Variants in CACNA1H observed in about 807,000 individuals in gnomAD.
The protein encoded by CACNA1H is voltage-dependent T-type calcium channel subunit alpha-1H.
CACNA1H carries 149 observed loss-of-function variants against 192.5 expected under a neutral mutation model. The ratio of observed to expected loss-of-function variants is 0.77; its 90% confidence interval spans 0.68 to 0.89. CACNA1H has a LOEUF of 0.89. CACNA1H is among the 40% of genes least tolerant of loss of function. CACNA1H has a pLI of 0.00. For synonymous variants in CACNA1H, 2,202 were observed against 1,475.2 expected (o/e 1.49, Z -11.29); for missense variants, 4,257 against 3,423.5 (o/e 1.24, Z -6.08).
At chr16:1,197,857 G>A (rs554350024) in intron 5 of CACNA1H, among the ~76,000 whole-genome samples, 1 of 152,280 alleles carries the variant, frequency 6.6e-6, no homozygotes, top group Admixed American at 6.5e-5. Flanking sequence ...GGACGTCTTG[G>A]GGGAGCAGGC....
intron 5 of CACNA1H, among the ~76,000 whole-genome samples, chr16:1,197,318 G>A (rs796244943): frequency 3.9e-5 from 6 of 152,358 alleles, no homozygotes; most frequent in African/African-American, 1.4e-4. Flanking sequence ...TTGGCCCTTT[G>A]CCCGGCACCC....
intron 2 of CACNA1H, among the ~76,000 whole-genome samples, chr16:1,181,771 C>T (rs1965492653): frequency 6.6e-6 from 1 of 152,166 alleles, no homozygotes; most frequent in African/African-American, 2.4e-5. Flanking sequence ...CCGCCCTCAT[C>T]TCAGGCCTGA....
chr16:1,195,447 A>T lies in CACNA1H; in HGVS notation c.427A>T (p.Ile143Phe), dbSNP rs1408976197. ...CNILEAFDAF[I>F]FAFFAVEMVI... ...CCTCCCGCAGGCCTTTGACGCCTTC[A>T]TTTTCGCCTTTTTTGCGGTGGAGAT... The change falls in exon 4 of 35, where the codon ATT becomes TTT. Residue 143 changes from isoleucine (I) to phenylalanine (F), a missense_variant. By Grantham distance (21) the Ile-to-Phe change is conservative. Coordinates refer to ENST00000348261, the MANE Select transcript of CACNA1H (RefSeq NM_021098.3). 3 of 1,557,726 alleles carry T rather than the reference A, an allele frequency of 1.9e-6. No individual in the cohort carries two copies. Among genetic ancestry groups the T allele is most frequent in the Middle Eastern group, 1.7e-4 (1 of 5,928 alleles).
chr16:1,190,632 G>A lies in CACNA1H; in HGVS notation c.300-4340G>A, dbSNP rs561235541. On this transcript the variant is annotated intron_variant, in intron 2 of 34. Transcript: ENST00000348261. ...ACGCCTGCCTGTCACGTCCTCTGTC[G>A]TGAGAGGCCTCCTTGGGGCCCCCCA... Among the ~76,000 whole-genome samples the A allele has an allele frequency of 1.8e-4, 27 of 152,368 alleles. 1 individual carries two copies. In the South Asian group the frequency reaches 4.6e-3, roughly 26 times the overall value.
intron 2 of CACNA1H, among the ~76,000 whole-genome samples, chr16:1,189,352 G>A (rs1339661811): frequency 6.6e-6 from 1 of 150,990 alleles, no homozygotes; most frequent in African/African-American, 2.4e-5. Flanking sequence ...AGGAAGGGGA[G>A]GTGGCCAGGC....
chr16:1,169,070 A>T (rs914067496), intron 2 of CACNA1H, among the ~76,000 whole-genome samples: 2 of 147,674 alleles, frequency 1.4e-5, no homozygotes, highest in African/African-American at 5.0e-5. Flanking sequence ...GCAACAGGAG[A>T]TGGAGGGAGG....
intron 10 of CACNA1H, 150 bp downstream of exon 10, chr16:1,204,608 A>C: frequency 1.6e-6 from 1 of 625,868 alleles, no homozygotes; most frequent in Non-Finnish European, 2.7e-6. Context: ...AGGATAGGAG[A>C]CCAGGTGTGC....
Position 1,221,192 on chromosome 16 carries a change from C to G in CACNA1H, c.*198C>G. ...CTGCCGGGCCCCACGAGCCTCCGTC[C>G]GTTCTGGTTCGGGTTTCTCCGAGTT... On this transcript the variant is annotated 3_prime_UTR_variant, in exon 35 of 35. Transcript: ENST00000348261. The G allele has an allele frequency of 1.9e-6, 1 of 528,850 alleles. No homozygotes were observed. 32.8% of individuals were successfully genotyped at this position (528,850 alleles called of 1,614,324 possible). A position where few individuals can be genotyped will look rare whatever the true frequency, so the allele number is the denominator to read the frequency against.
rs1968862454 is a variant in CACNA1H, at chr16:1,207,388, C to T, written c.3021C>T (p.Phe1007=). 2.5e-6 allele frequency: 4 copies of T among 1,613,310 alleles called. No individual in the cohort carries two copies. Among genetic ancestry groups the T allele is most frequent in the Non-Finnish European group, 3.4e-6 (4 of 1,179,826 alleles). The stretch of plus-strand genomic sequence containing the variant: ...TGACCTTCGGCAACTATGTGCTCTT[C>T]AACCTGCTGGTGGCCATCCTCGTGG... ...ALMTFGNYVL[F]NLLVAILVEG... The change falls in exon 14 of 35, where the codon TTC becomes TTT. Residue 1007 remains phenylalanine (F), a synonymous_variant. Transcript: ENST00000348261.
intron 2 of CACNA1H, among the ~76,000 whole-genome samples, chr16:1,164,488 C>T (rs531415597): frequency 8.5e-5 from 13 of 152,302 alleles, no homozygotes; most frequent in Admixed American, 5.2e-4. Context: ...TGAGCCACCA[C>T]GCCGGGCCTC....
rs777181811 is a variant in CACNA1H at position 1,204,212 on chromosome 16, G to A, written c.2205G>A (p.Arg735=). The A allele has an allele frequency of 3.7e-6, 6 of 1,611,970 alleles. 1 individual carries two copies. In the South Asian group the frequency reaches 6.6e-5, roughly 18 times the overall value. Residue 735 remains arginine, a synonymous_variant, in exon 10 of 35, where the codon CGG becomes CGA. Coordinates refer to ENST00000348261, the MANE Select transcript of CACNA1H (RefSeq NM_021098.3). ...RGVYEFTQDV[R]HGDRWDPTRP... is the part of the protein sequence containing the mutation. ...TCTATGAATTCACGCAGGACGTCCG[G>A]CACGGTGACCGCTGGGACCCCACGC... is the stretch of plus-strand genomic sequence containing the variant.
chr16:1,210,554 C>A, intron 19 of CACNA1H, 29 bp from the exon 20 acceptor site: 3 of 1,609,918 alleles, frequency 1.9e-6, no homozygotes, highest in Non-Finnish European at 1.7e-6. Context: ...GTGGAGTGGA[C>A]ACAGCCCCCC....
At position 1,211,792 on chromosome 16, in the gene CACNA1H, G is replaced by T. The variant is rs1241538804; in HGVS notation, c.4553G>T (p.Gly1518Val). 6.2e-7 allele frequency: 1 copy of T among 1,612,592 alleles called. No homozygotes were observed. ...ATGTACGACGGGCTGGATGCCGTGG[G>T]TGTCGACCAGCAGGTGCGCACAGGC... ...NIMYDGLDAVGVDQQPVQNHN... is the reference protein window; with the variant it reads ...NIMYDGLDAVVVDQQPVQNHN... Residue 1518 changes from glycine (G) to valine (V), a missense_variant, in exon 24 of 35, where the codon GGT (glycine) becomes GTT (valine). Coordinates refer to ENST00000348261, the MANE Select transcript of CACNA1H (RefSeq NM_021098.3).
intron 31 of CACNA1H, 84 bp from the exon 32 acceptor site, chr16:1,217,835 C>G: frequency 4.0e-6 from 6 of 1,485,672 alleles, no homozygotes; most frequent in Non-Finnish European, 5.4e-6. Context: ...CTGGGCTCCC[C>G]AAGGGGCATG....
At chr16:1,161,785 C>T (rs1452278059) in intron 2 of CACNA1H, among the ~76,000 whole-genome samples, 1 of 152,178 alleles carries the variant, frequency 6.6e-6, no homozygotes, top group African/African-American at 2.4e-5. Context: ...GACCGCTGGC[C>T]AGGCCCCACG....
chr16:1,184,316 A>G (rs866679856), intron 2 of CACNA1H, among the ~76,000 whole-genome samples: 1 of 151,066 alleles, frequency 6.6e-6, no homozygotes. Flanking sequence ...GGCAGAGGCC[A>G]GAGGCCGGAC....
At chr16:1,158,520 G>A (rs191957269) in intron 2 of CACNA1H, among the ~76,000 whole-genome samples, 8 of 152,322 alleles carry the variant, frequency 5.3e-5, no homozygotes, top group Admixed American at 4.6e-4. Flanking sequence ...AGGGCCGCAC[G>A]CCCCGTGGGA....
At chr16:1,176,150 T>G (rs2151732756) in intron 2 of CACNA1H, among the ~76,000 whole-genome samples, 1 of 152,386 alleles carries the variant, frequency 6.6e-6, no homozygotes, top group South Asian at 2.1e-4. Flanking sequence ...TTTGGGAATT[T>G]CAGCCTAACC....
At chr16:1,219,734 G>A (rs1180916088) in intron 34 of CACNA1H, among the ~76,000 whole-genome samples, 1 of 152,126 alleles carries the variant, frequency 6.6e-6, no homozygotes, top group Non-Finnish European at 1.5e-5. Context: ...TGTGCCCCTG[G>A]GGGCCATGGC....
Sources: allele counts gnomAD v4.1 joint callset (sites outside exome capture counted in the v4.1 genomes callset), GRCh38; gene constraint gnomAD v4.1.1; transcripts MANE v1.5; gene names NCBI Gene and HGNC (gene_info 2026-07-23, HGNC 2026-07-21).